The following IL1RAPL1 variants were observed in gnomAD, a reference collection of about 807,000 sequenced individuals.
The protein encoded by IL1RAPL1 is interleukin 1 receptor accessory protein like 1, also known as interleukin-1 receptor accessory protein-like 1.
In IL1RAPL1, 3 loss-of-function variants were observed where a neutral mutation model predicts 48.4. That is an observed-to-expected ratio of 0.06 (90% CI 0.03 to 0.16). The LOEUF (loss-of-function observed/expected upper bound fraction) is 0.16, where lower values mean the gene tolerates loss of function less well. Among genes scored for constraint, IL1RAPL1 ranks in the 10% least tolerant of loss-of-function variants. The pLI is 1.00. For missense variants in IL1RAPL1, 349 were observed against 530.6 expected, an observed-to-expected ratio of 0.66 and a Z score of 3.36; for synonymous variants, 185 against 187.7, an observed-to-expected ratio of 0.99 and a Z score of 0.12.
At chrX:29,768,055 T>G (rs1928958844) in intron 6 of IL1RAPL1, among the ~76,000 whole-genome samples, 1 of 111,916 alleles carries the variant, frequency 8.9e-6, no homozygotes, top group African/African-American at 3.2e-5. Context: ...AAAATTATAT[T>G]TTTCTACTTC....
intron 1 of IL1RAPL1, among the ~76,000 whole-genome samples, chrX:28,707,909 T>C (rs1374195069): frequency 1.8e-5 from 2 of 112,151 alleles, no homozygotes; most frequent in African/African-American, 6.5e-5. Flanking sequence ...TTGACTTTAA[T>C]GAGATGCGTG....
chrX:29,534,761 G>A (rs1210858631), intron 5 of IL1RAPL1, among the ~76,000 whole-genome samples: 2 of 110,638 alleles, frequency 1.8e-5, no homozygotes, highest in Non-Finnish European at 3.8e-5. Context: ...AAGGTCAGGA[G>A]ATCGAGACCA....
chrX:28,643,033 C>T (rs766220015), intron 1 of IL1RAPL1, among the ~76,000 whole-genome samples: 2 of 110,721 alleles, frequency 1.8e-5, no homozygotes, highest in Non-Finnish European at 3.8e-5. Flanking sequence ...GGATTACAGG[C>T]GTGTGCCACC....
intron 2 of IL1RAPL1, among the ~76,000 whole-genome samples, chrX:29,253,616 C>T (rs951005941): frequency 5.4e-5 from 6 of 111,132 alleles, no homozygotes; most frequent in East Asian, 2.8e-4. Context: ...TTACACATGA[C>T]GAAACTGAGA....
intron 6 of IL1RAPL1, among the ~76,000 whole-genome samples, chrX:29,710,119 C>T (rs1334729648): frequency 9.0e-6 from 1 of 111,400 alleles, no homozygotes; most frequent in Non-Finnish European, 1.9e-5. Flanking sequence ...CAGACTATTT[C>T]ACTTCTTCTG....
chrX:29,141,116 C>T (rs5985962), intron 2 of IL1RAPL1, among the ~76,000 whole-genome samples: 31,599 of 109,731 alleles, frequency 0.29, 4,388 homozygotes, highest in African/African-American at 0.54. Context: ...TATAAAGGCA[C>T]AGACACATAT....
chrX:29,854,809 C>T (rs1295278796), intron 6 of IL1RAPL1, among the ~76,000 whole-genome samples: 1 of 110,624 alleles, frequency 9.0e-6, no homozygotes, highest in Non-Finnish European at 1.9e-5. Flanking sequence ...CCAGGCACAA[C>T]GGTTCACCCA....
intron 6 of IL1RAPL1, among the ~76,000 whole-genome samples, chrX:29,733,834 C>A (rs1927980104): frequency 1.8e-5 from 2 of 112,629 alleles, no homozygotes; most frequent in South Asian, 7.3e-4. Context: ...TTTCTCTAAG[C>A]AGAATCATCA....
At chrX:29,484,589 G>A (rs767902592) in intron 5 of IL1RAPL1, among the ~76,000 whole-genome samples, 41 of 111,751 alleles carry the variant, frequency 3.7e-4, no homozygotes, top group African/African-American at 1.3e-3. Context: ...GGGAAGAATG[G>A]TTATTGTTAT....
intron 2 of IL1RAPL1, among the ~76,000 whole-genome samples, chrX:29,006,926 T>G (rs1255953300): frequency 9.0e-6 from 1 of 110,958 alleles, no homozygotes; most frequent in African/African-American, 3.3e-5. Context: ...GGAGGCAGTT[T>G]TAAAAGAAGG....
chrX:29,807,040 G>A (rs1484217329), intron 6 of IL1RAPL1, among the ~76,000 whole-genome samples: 4 of 111,071 alleles, frequency 3.6e-5, no homozygotes, highest in Non-Finnish European at 5.7e-5. Flanking sequence ...CTTCAGGACC[G>A]TGAGCCAATT....
chrX:29,348,659 G>T (rs2147650953), intron 3 of IL1RAPL1, among the ~76,000 whole-genome samples: 1 of 111,825 alleles, frequency 8.9e-6, no homozygotes, highest in Non-Finnish European at 1.9e-5. Flanking sequence ...TTTCAGAATA[G>T]AAACAGGAAA....
chrX:29,252,762 T>C (rs1931687850), intron 2 of IL1RAPL1, among the ~76,000 whole-genome samples: 1 of 111,646 alleles, frequency 9.0e-6, no homozygotes, highest in Non-Finnish European at 1.9e-5. Flanking sequence ...GATTCAAGTA[T>C]ACAAACGCAG....
At chrX:28,993,546 G>A (rs1236206767) in intron 2 of IL1RAPL1, among the ~76,000 whole-genome samples, 1 of 112,312 alleles carries the variant, frequency 8.9e-6, no homozygotes, top group Non-Finnish European at 1.9e-5. Flanking sequence ...GGATGCTTAG[G>A]TTTTAGACCA....
chrX:29,648,865 C>G (rs1049133018), intron 5 of IL1RAPL1, among the ~76,000 whole-genome samples: 4 of 110,814 alleles, frequency 3.6e-5, no homozygotes, highest in Non-Finnish European at 7.6e-5. Flanking sequence ...ACAAAATCAA[C>G]AAACCTTTAA....
chrX:28,966,791 G>A (rs1311971789), intron 2 of IL1RAPL1, among the ~76,000 whole-genome samples: 1 of 111,417 alleles, frequency 9.0e-6, no homozygotes, highest in Non-Finnish European at 1.9e-5. Context: ...GCTGATTTGA[G>A]GTCTACTCCT....
intron 2 of IL1RAPL1, among the ~76,000 whole-genome samples, chrX:29,082,175 C>T (rs1927857923): frequency 8.9e-6 from 1 of 111,981 alleles, no homozygotes; most frequent in Non-Finnish European, 1.9e-5. Context: ...CACAATGTCA[C>T]AGCCGTACAT....
intron 2 of IL1RAPL1, among the ~76,000 whole-genome samples, chrX:29,258,121 G>C (rs1324527799): frequency 9.0e-6 from 1 of 110,560 alleles, no homozygotes; most frequent in Admixed American, 9.7e-5. Flanking sequence ...CTCTTTTAGT[G>C]ATACTAAGTA....
At chrX:28,750,180 A>G (rs1449820988) in intron 1 of IL1RAPL1, among the ~76,000 whole-genome samples, 1 of 110,736 alleles carries the variant, frequency 9.0e-6, no homozygotes. Context: ...CTCAAACTCA[A>G]CCTCAAGTGA....
Sources: allele counts gnomAD v4.1 joint callset (sites outside exome capture counted in the v4.1 genomes callset), GRCh38; gene constraint gnomAD v4.1.1; transcripts MANE v1.5; gene names NCBI Gene and HGNC (gene_info 2026-07-23, HGNC 2026-07-21).